Variants in CACNA2D3 observed in about 807,000 individuals in gnomAD.
CACNA2D3 encodes the protein voltage-dependent calcium channel subunit alpha-2/delta-3.
In CACNA2D3, 60 loss-of-function variants were observed where a neutral mutation model predicts 160.6. That is an observed-to-expected ratio of 0.37 (90% CI 0.30 to 0.46). The LOEUF (loss-of-function observed/expected upper bound fraction) is 0.46. CACNA2D3 is among the 20% of genes least tolerant of loss of function. The pLI, the probability that CACNA2D3 is intolerant of heterozygous loss-of-function variation, is 1.00. For missense variants in CACNA2D3, 1,205 were observed against 1,365.0 expected, an observed-to-expected ratio of 0.88 and a Z score of 1.85; for synonymous variants, 558 against 492.9, an observed-to-expected ratio of 1.13 and a Z score of -1.75.
chr3:54,581,755 C>A, intron 8 of CACNA2D3, 48 bp from the exon 9 acceptor site: 1 of 1,459,800 alleles, frequency 6.9e-7, no homozygotes, highest in Non-Finnish European at 9.6e-7. Context: ...AAGAAGTACC[C>A]TTCAATTCCT....
chr3:55,000,624 A>T (rs1249571218), intron 31 of CACNA2D3, among the ~76,000 whole-genome samples: 5 of 152,240 alleles, frequency 3.3e-5, no homozygotes, highest in African/African-American at 1.2e-4. Context: ...GCCCCAGAGC[A>T]ATTTAGTTTA....
intron 5 of CACNA2D3, among the ~76,000 whole-genome samples, chr3:54,543,128 TCTCA>T (rs1196272764): frequency 1.3e-5 from 2 of 152,176 alleles, no homozygotes; most frequent in African/African-American, 4.8e-5. Context: ...GTACTAAAAA[TCTCA>T]CTCATGAAAA....
At chr3:54,924,683 G>T (rs762606739) in intron 27 of CACNA2D3, 7 of 1,613,996 alleles carry the variant, frequency 4.3e-6, no homozygotes, top group Non-Finnish European at 5.9e-6. Flanking sequence ...ATTTCCAGAG[G>T]TTGTCCTTGA....
At chr3:54,991,754 G>C (rs1394531168) in intron 31 of CACNA2D3, among the ~76,000 whole-genome samples, 1 of 152,094 alleles carries the variant, frequency 6.6e-6, no homozygotes, top group African/African-American at 2.4e-5. Flanking sequence ...GGCCATGGAC[G>C]GTGTCGTCAG....
chr3:54,687,121 C>CTTTTTT (rs757838355), intron 11 of CACNA2D3, among the ~76,000 whole-genome samples: 1,293 of 94,618 alleles, frequency 0.014, 80 homozygotes, highest in Non-Finnish European at 0.018. Context: ...TTTTCTTTTT[C>CTTTTTT]TTTTTTTTTT....
intron 4 of CACNA2D3, among the ~76,000 whole-genome samples, chr3:54,464,939 C>T (rs370252088): frequency 3.9e-5 from 6 of 152,112 alleles, no homozygotes; most frequent in Non-Finnish European, 8.8e-5. Flanking sequence ...TTTTCTATGC[C>T]TTTTCCCATC....
intron 27 of CACNA2D3, among the ~76,000 whole-genome samples, chr3:54,942,774 C>T (rs1240478533): frequency 2.0e-5 from 3 of 151,990 alleles, no homozygotes; most frequent in Non-Finnish European, 2.9e-5. Flanking sequence ...CCTGTAATCC[C>T]AGAGCTTTGG....
At chr3:54,402,180 C>G (rs1233819215) in intron 4 of CACNA2D3, among the ~76,000 whole-genome samples, 1 of 151,794 alleles carries the variant, frequency 6.6e-6, no homozygotes, top group Admixed American at 6.6e-5. Flanking sequence ...CAGAAACTTA[C>G]TAGATTACAA....
At chr3:54,460,290 GT>G (rs1357833708) in intron 4 of CACNA2D3, among the ~76,000 whole-genome samples, 6 of 152,050 alleles carry the variant, frequency 3.9e-5, no homozygotes, top group Admixed American at 6.6e-5. Flanking sequence ...CTTTAAAGTA[GT>G]TTTTTTCCAA....
At chr3:54,503,458 G>A (rs1701323827) in intron 4 of CACNA2D3, 34 bp from the exon 5 acceptor site, 1 of 1,608,880 alleles carries the variant, frequency 6.2e-7, no homozygotes, top group Non-Finnish European at 8.5e-7. Flanking sequence ...TCTTCCCTAA[G>A]CCACATGTAA....
At position 54,938,110 on chromosome 3, in the gene CACNA2D3, C is replaced by G. The variant is rs375602858; in HGVS notation, c.2450-30340C>G. ...GTGGAGTTGGCAGTTGTGGGCAAAT[C>G]CTTTCTGCATGTGTCTGAGGGGCAG... On this transcript the variant is annotated intron_variant, in intron 27 of 37. Transcript: ENST00000474759. Among the ~76,000 whole-genome samples the G allele has an allele frequency of 2.6e-5, 4 of 152,182 alleles. No individual in the cohort carries two copies. The East Asian group carries it at 7.7e-4, about 29-fold the overall frequency.
intron 3 of CACNA2D3, among the ~76,000 whole-genome samples, chr3:54,380,593 C>T (rs1699085376): frequency 6.6e-6 from 1 of 152,090 alleles, no homozygotes; most frequent in South Asian, 2.1e-4. Flanking sequence ...AAAAAATTAG[C>T]CAGGCATGGT....
intron 5 of CACNA2D3, among the ~76,000 whole-genome samples, chr3:54,546,994 A>G (rs183463931): frequency 6.6e-6 from 1 of 152,332 alleles, no homozygotes; most frequent in East Asian, 1.9e-4. Context: ...GGGGATCTTC[A>G]GGCACTTGTC....
chr3:54,303,038 A>G (rs1423327606), intron 2 of CACNA2D3, among the ~76,000 whole-genome samples: 1 of 152,088 alleles, frequency 6.6e-6, no homozygotes, highest in African/African-American at 2.4e-5. Flanking sequence ...CGTTGTGGTA[A>G]CAGCAGATCC....
intron 5 of CACNA2D3, among the ~76,000 whole-genome samples, chr3:54,526,105 G>A (rs1006965460): frequency 1.3e-5 from 2 of 151,836 alleles, no homozygotes; most frequent in Non-Finnish European, 2.9e-5. Context: ...ATGCTTTTGA[G>A]TCTCTCTAAA....
rs576200811 is a variant in CACNA2D3 at position 54,783,620 on chromosome 3, A to T, written c.1380+19269A>T. On this transcript the variant is annotated intron_variant, in intron 13 of 37. Transcript: ENST00000474759. Reference sequence around the variant, plus strand: ...GACTCCATCTCAAATAAATAAATAAATAAATAAAAATAAAAATAAAAATAA... The same window carrying T: ...GACTCCATCTCAAATAAATAAATAATTAAATAAAAATAAAAATAAAAATAA... 1.5e-3 allele frequency among the ~76,000 whole-genome samples: 230 copies of T among 151,736 alleles called. 1 individual carries two copies. Among genetic ancestry groups the T allele is most frequent in the Middle Eastern group, 6.8e-3 (2 of 294 alleles).
intron 3 of CACNA2D3, among the ~76,000 whole-genome samples, chr3:54,336,861 A>G (rs1704392840): frequency 6.6e-6 from 1 of 152,226 alleles, no homozygotes; most frequent in South Asian, 2.1e-4. Flanking sequence ...TTAAAAGTAT[A>G]TAAAACACCC....
chr3:54,973,987 C>T (rs1702330134), intron 29 of CACNA2D3, among the ~76,000 whole-genome samples: 1 of 152,112 alleles, frequency 6.6e-6, no homozygotes, highest in African/African-American at 2.4e-5. Context: ...GTGTTTCTCT[C>T]TCCCTCTCTC....
intron 3 of CACNA2D3, among the ~76,000 whole-genome samples, chr3:54,342,153 C>G (rs1366740835): frequency 1.3e-5 from 2 of 152,078 alleles, no homozygotes; most frequent in Admixed American, 1.3e-4. Context: ...TGTAAAAGTA[C>G]TATAGCAGTA....
Sources: allele counts gnomAD v4.1 joint callset (sites outside exome capture counted in the v4.1 genomes callset), GRCh38; gene constraint gnomAD v4.1.1; transcripts MANE v1.5; gene names NCBI Gene and HGNC (gene_info 2026-07-23, HGNC 2026-07-21).